Variants in SNCAIP observed in about 807,000 individuals in gnomAD.
The protein encoded by SNCAIP is synuclein alpha interacting protein.
Under a neutral mutation model 86.7 loss-of-function variants are expected in SNCAIP, and 43 were observed. The observed-to-expected ratio is 0.50, with a 90% CI of 0.39 to 0.64. The LOEUF is 0.64. SNCAIP is among the 30% of genes least tolerant of loss of function. The pLI is 0.00. For missense variants in SNCAIP, 981 were observed against 1,103.1 expected, an observed-to-expected ratio of 0.89 and a Z score of 1.57; for synonymous variants, 417 against 427.2, an observed-to-expected ratio of 0.98 and a Z score of 0.29.
intron 2 of SNCAIP, among the ~76,000 whole-genome samples, chr5:122,396,101 G>GT (rs1770566828): frequency 2.6e-5 from 4 of 152,058 alleles, no homozygotes; most frequent in Admixed American, 2.0e-4. Flanking sequence ...TTTATGCAGT[G>GT]TTTTTTTGTA....
At chr5:122,396,358 G>A (rs1770619650) in intron 2 of SNCAIP, among the ~76,000 whole-genome samples, 1 of 152,148 alleles carries the variant, frequency 6.6e-6, no homozygotes, top group Admixed American at 6.5e-5. Context: ...TTGGACTGGA[G>A]ACCTCTGCCA....
Position 122,385,821 on chromosome 5 carries a change from G to A in SNCAIP, c.-46-5268G>A, listed in dbSNP as rs148602751. On this transcript the variant is annotated intron_variant, in intron 1 of 10. Transcript: ENST00000261368. ...GTTACCTCATCACCGAATGTACTCTGCTCATTTATTTTGACAAATCCAACT... is the reference window on the plus strand; with the variant it reads ...GTTACCTCATCACCGAATGTACTCTACTCATTTATTTTGACAAATCCAACT... 9.2e-5 allele frequency among the ~76,000 whole-genome samples: 14 copies of A among 152,122 alleles called. No homozygotes were observed. In the East Asian group the frequency reaches 2.7e-3, roughly 29 times the overall value.
chr5:122,443,645 C>G, intron 7 of SNCAIP: 1 of 456,870 alleles, frequency 2.2e-6, no homozygotes, highest in Non-Finnish European at 4.4e-6. Context: ...GCTCCTATCC[C>G]CCTATCTCTT....
intron 1 of SNCAIP, among the ~76,000 whole-genome samples, chr5:122,390,433 C>A (rs569883114): frequency 6.6e-6 from 1 of 152,238 alleles, no homozygotes; most frequent in South Asian, 2.1e-4. Flanking sequence ...GAAGACGTTC[C>A]GGGGCCTGCA....
At chr5:122,409,577 A>G (rs776647991) in intron 3 of SNCAIP, among the ~76,000 whole-genome samples, 3 of 152,214 alleles carry the variant, frequency 2.0e-5, no homozygotes, top group East Asian at 1.9e-4. Context: ...CTTGTATGAC[A>G]ATGAGTAAGG....
intron 8 of SNCAIP, among the ~76,000 whole-genome samples, chr5:122,445,878 C>T (rs1303568377): frequency 6.6e-6 from 1 of 151,896 alleles, no homozygotes; most frequent in Non-Finnish European, 1.5e-5. Context: ...CTCTCTCCTT[C>T]CACTCTTTTG....
chr5:122,459,463 C>T (rs1785577595), intron 10 of SNCAIP, among the ~76,000 whole-genome samples: 1 of 152,186 alleles, frequency 6.6e-6, no homozygotes, highest in Admixed American at 6.5e-5. Flanking sequence ...AGCAAATTAT[C>T]TGAATAATTC....
At chr5:122,330,349 C>A (rs1755048345) in intron 1 of SNCAIP, among the ~76,000 whole-genome samples, 1 of 151,950 alleles carries the variant, frequency 6.6e-6, no homozygotes, top group African/African-American at 2.4e-5. Context: ...TCTCGAGCTC[C>A]TGACCTCGTG....
intron 10 of SNCAIP, among the ~76,000 whole-genome samples, chr5:122,452,651 G>A (rs1783933013): frequency 6.6e-6 from 1 of 152,128 alleles, no homozygotes; most frequent in Admixed American, 6.5e-5. Flanking sequence ...GTTTCAGCTA[G>A]AAAAGGCATA....
chr5:122,348,349 C>T (rs547860541), intron 1 of SNCAIP, among the ~76,000 whole-genome samples: 4 of 152,076 alleles, frequency 2.6e-5, no homozygotes, highest in Non-Finnish European at 4.4e-5. Context: ...TTGCTTATTA[C>T]CTTCATGTTC....
intron 1 of SNCAIP, among the ~76,000 whole-genome samples, chr5:122,384,945 T>C (rs1004443178): frequency 2.0e-5 from 3 of 152,222 alleles, no homozygotes; most frequent in Non-Finnish European, 2.9e-5. Context: ...ATCAATGTTA[T>C]GCGTCTTTCT....
In SNCAIP at chr5:122,444,588, T is replaced by C. The variant is rs150695297; in HGVS notation, c.1448T>C (p.Val483Ala). 4.5e-5 allele frequency: 73 copies of C among 1,614,044 alleles called. No homozygotes were observed. The highest frequency in any genetic ancestry group is 7.6e-6 in the Non-Finnish European group (9 of 1,180,020). The change falls in exon 8 of 11, where the codon GTC (valine) becomes GCC (alanine). Residue 483 changes from valine (V) to alanine (A), a missense_variant. By Grantham distance (64) the Val-to-Ala change is moderately conservative. Coordinates refer to ENST00000261368, the MANE Select transcript of SNCAIP (RefSeq NM_005460.4). ...IQTLVEYGAN[V>A]TMQNHAGEKP... ...ACCTTGGTTGAATATGGAGCAAATG[T>C]CACCATGCAGAACCACGCTGGGGAA... is the stretch of plus-strand genomic sequence containing the variant.
At chr5:122,444,077 T>C (rs562680584) in intron 7 of SNCAIP, 5 of 457,054 alleles carry the variant, frequency 1.1e-5, no homozygotes, top group Admixed American at 2.3e-5. Flanking sequence ...CCATGTCATT[T>C]CTTTCCAGTT....
At chr5:122,443,246 C>T (rs1283662334) in intron 7 of SNCAIP, among the ~76,000 whole-genome samples, 3 of 152,174 alleles carry the variant, frequency 2.0e-5, no homozygotes, top group Non-Finnish European at 4.4e-5. Flanking sequence ...TAGGGGAAAA[C>T]ACTGTCTACT....
At chr5:122,445,536 G>GGGGA (rs1404503300) in intron 8 of SNCAIP, among the ~76,000 whole-genome samples, 2 of 151,886 alleles carry the variant, frequency 1.3e-5, no homozygotes, top group African/African-American at 4.8e-5. Flanking sequence ...TTTCCAGATT[G>GGGGA]GGGAGGGTTT....
At chr5:122,445,365 G>T (rs1782049227) in intron 8 of SNCAIP, among the ~76,000 whole-genome samples, 1 of 152,076 alleles carries the variant, frequency 6.6e-6, no homozygotes, top group South Asian at 2.1e-4. Flanking sequence ...GCATGTCTGG[G>T]TGTCAGGGAA....
chr5:122,337,060 TG>T (rs1756625099), intron 1 of SNCAIP, among the ~76,000 whole-genome samples: 1 of 152,188 alleles, frequency 6.6e-6, no homozygotes, highest in South Asian at 2.1e-4. Context: ...ATGCAAAATG[TG>T]GCAGGAGTCA....
At chr5:122,382,129 A>C (rs899260766) in intron 1 of SNCAIP, among the ~76,000 whole-genome samples, 4 of 152,302 alleles carry the variant, frequency 2.6e-5, no homozygotes, top group South Asian at 2.1e-4. Context: ...TAATATCCTG[A>C]AGAGTGTTTT....
upstream of SNCAIP, chr5:122,311,944 G>C (rs1473000841): frequency 6.7e-6 from 1 of 149,608 alleles, no homozygotes; most frequent in Non-Finnish European, 1.5e-5. Flanking sequence ...GCGGCCGCAG[G>C]GGCGCAGCGC....
Sources: allele counts gnomAD v4.1 joint callset (sites outside exome capture counted in the v4.1 genomes callset), GRCh38; gene constraint gnomAD v4.1.1; transcripts MANE v1.5; gene names NCBI Gene and HGNC (gene_info 2026-07-23, HGNC 2026-07-21).